BAHCC1: variants seen among roughly 807,000 people sequenced by gnomAD.
The protein encoded by BAHCC1 is BAH domain and coiled-coil containing 1, also known as BAH and coiled-coil domain-containing protein 1.
BAHCC1 carries 43 observed loss-of-function variants against 88.2 expected under a neutral mutation model. The observed-to-expected ratio is 0.49, with a 90% CI of 0.38 to 0.63. The LOEUF (loss-of-function observed/expected upper bound fraction) is 0.63. Ranked by LOEUF, BAHCC1 falls within the 20% of genes least tolerant of loss-of-function variation. BAHCC1 has a pLI of 0.00. For synonymous variants in BAHCC1, 1,510 were observed against 745.5 expected (o/e 2.03, Z -16.71); for missense variants, 3,023 against 1,654.8 (o/e 1.83, Z -14.34).
chr17:81,399,122 C>CGTGTGT lies in BAHCC1; in HGVS notation c.-206-407_-206-406insTGTGTG. 1.9e-5 allele frequency: 3 copies of CGTGTGT among 155,192 alleles called. No homozygotes were observed. Among genetic ancestry groups the CGTGTGT allele is most frequent in the Admixed American group, 1.7e-4 (2 of 12,050 alleles). The allele number at this position is 155,192 out of a possible 1,614,324, so 9.6% of individuals were successfully genotyped here. On this transcript the variant is annotated intron_variant, in intron 1 of 27. Coordinates refer to ENST00000675386, the MANE Select transcript of BAHCC1 (RefSeq NM_001377448.1). This position sits in a 1 kb window ranked among gnomAD's most constrained non-coding sequence, Gnocchi z 4.5. ...GCAGCGGGGGAGGGGAGAGGGTGTG[C>CGTGTGT]GTGTGAGTGTGTGTGTGTGTGTGTG...
chr17:81,442,208 A>C lies in BAHCC1; in HGVS notation c.859A>C (p.Thr287Pro). 3 of 654,514 alleles carry C rather than the reference A, an allele frequency of 4.6e-6. No individual in the cohort carries two copies. The highest frequency in any genetic ancestry group is 8.3e-6 in the Non-Finnish European group (3 of 361,804). The allele number at this position is 654,514 out of a possible 1,614,324, so 40.5% of individuals were successfully genotyped here. A position where few individuals can be genotyped will look rare whatever the true frequency, so the allele number is the denominator to read the frequency against. Residue 287 changes from threonine to proline, a missense_variant, in exon 5 of 28, where the codon ACC becomes CCC. Coordinates refer to ENST00000675386, the MANE Select transcript of BAHCC1 (RefSeq NM_001377448.1). The part of the protein sequence containing the change: ...PKHLTSCLLN[T>P]KVLNGEMGRA... Reference sequence around the variant, plus strand: ...GCACCTCACCTCCTGCCTCCTCAACACCAAGGTGCTCAACGGCGAGATGGG... The same window carrying C: ...GCACCTCACCTCCTGCCTCCTCAACCCCAAGGTGCTCAACGGCGAGATGGG...
At position 81,447,439 on chromosome 17, in the gene BAHCC1, G is replaced by C. The variant is rs540073687; in HGVS notation, c.3567G>C (p.Glu1189Asp). The C allele has an allele frequency of 4.0e-6, 3 of 744,904 alleles. No homozygotes were observed. The East Asian group carries it at 7.6e-5, about 19-fold the overall frequency. The allele number at this position is 744,904 out of a possible 1,614,324, so 46.1% of individuals were successfully genotyped here. A position where few individuals can be genotyped will look rare whatever the true frequency, so the allele number is the denominator to read the frequency against. Residue 1189 changes from glutamate to aspartate, a missense_variant, in exon 11 of 28, where the codon GAG (glutamate) becomes GAC (aspartate). By Grantham distance (45) the Glu-to-Asp change is conservative. Transcript: ENST00000675386. ...GGAREERSRE[E>D]GEQGPSSGAS... ...CACGAGAAGAGAGGAGCAGGGAGGAGGGGGAGCAGGGGCCCTCGTCAGGGG... is the reference window on the plus strand; with the variant it reads ...CACGAGAAGAGAGGAGCAGGGAGGACGGGGAGCAGGGGCCCTCGTCAGGGG...
At chr17:81,406,941 G>A (rs922412920) in intron 2 of BAHCC1, 3 of 456,318 alleles carry the variant, frequency 6.6e-6, no homozygotes, top group Non-Finnish European at 1.3e-5. Context: ...CAGGAAGTGG[G>A]TTTTTTTCAT....
intron 17 of BAHCC1, 78 bp from the exon 18 acceptor site, chr17:81,458,087 G>T (rs1347677145): frequency 2.9e-6 from 2 of 692,916 alleles, no homozygotes; most frequent in East Asian, 2.7e-5. Context: ...AACCAGGAGG[G>T]AGGACCGGCA....
chr17:81,443,046 G>A lies in BAHCC1; in HGVS notation c.1697G>A (p.Arg566His), dbSNP rs782586684. 33 of 778,072 alleles carry A rather than the reference G, an allele frequency of 4.2e-5. No homozygotes were observed. Among genetic ancestry groups the A allele is most frequent in the Non-Finnish European group, 7.4e-5 (31 of 417,656 alleles). The allele number at this position is 778,072 out of a possible 1,614,324, so 48.2% of individuals were successfully genotyped here. Residue 566 changes from arginine (R) to histidine (H), a missense_variant, in exon 5 of 28, where the codon CGC becomes CAC. Arg to His is a conservative substitution (Grantham distance 29). Transcript: ENST00000675386. Reference sequence around the variant, plus strand: ...GGGGGCATTGGGGCTGAGGCCAAGCGCAAGTCCCTGGAGCTGGCATCCCTG... The same window carrying A: ...GGGGGCATTGGGGCTGAGGCCAAGCACAAGTCCCTGGAGCTGGCATCCCTG... The part of the protein sequence containing the change: ...EQGGIGAEAK[R>H]KSLELASLGY...
rs1555651616 is a variant in BAHCC1, at chr17:81,435,610, T to G, written c.359-2760T>G. On this transcript the variant is annotated intron_variant, in intron 3 of 27. Transcript: ENST00000675386. This position sits in a 1 kb window ranked among gnomAD's most constrained non-coding sequence, Gnocchi z 4.4. The stretch of plus-strand genomic sequence containing the variant: ...TAGCAGGAGCTTGCAGTTGAGGACC[T>G]CTGGCTCTGGGTTCATATGGCCCCA... The G allele has an allele frequency of 2.4e-6, 1 of 421,244 alleles. No homozygotes were observed. The highest frequency in any genetic ancestry group is 4.9e-6 in the Non-Finnish European group (1 of 204,166). The allele number at this position is 421,244 out of a possible 1,614,324, so 26.1% of individuals were successfully genotyped here. A position where few individuals can be genotyped will look rare whatever the true frequency, so the allele number is the denominator to read the frequency against.
chr17:81,451,509 G>C (rs1028530330), intron 11 of BAHCC1, among the ~76,000 whole-genome samples, 159 bp from the exon 12 acceptor site: 1 of 152,120 alleles, frequency 6.6e-6, no homozygotes, highest in Non-Finnish European at 1.5e-5. Flanking sequence ...AGGGGTGCTG[G>C]GTGTCAGCCC....
rs980244552 is a variant in BAHCC1, at chr17:81,427,730, C to T, written c.358+751C>T. On this transcript the variant is annotated intron_variant, in intron 3 of 27. Transcript: ENST00000675386. Reference sequence around the variant, plus strand: ...AGCGTGGGAAGGGTTAAGCTCCCCCCGCCCCCCGCGGCTGGCACGCAGAGA... The same window carrying T: ...AGCGTGGGAAGGGTTAAGCTCCCCCTGCCCCCCGCGGCTGGCACGCAGAGA... Among the ~76,000 whole-genome samples, 267 of 152,280 alleles carry T rather than the reference C, an allele frequency of 1.8e-3. 1 individual carries two copies. The highest frequency in any genetic ancestry group is 2.0e-3 in the Non-Finnish European group (134 of 68,020).
intron 2 of BAHCC1, among the ~76,000 whole-genome samples, chr17:81,418,757 G>A (rs910280046): frequency 3.4e-5 from 5 of 148,914 alleles, no homozygotes; most frequent in Non-Finnish European, 7.5e-5. Flanking sequence ...ACAGACGTGT[G>A]TGTGTGTACG....
intron 2 of BAHCC1, among the ~76,000 whole-genome samples, chr17:81,404,023 A>T (rs1394405451): frequency 1.3e-5 from 2 of 152,234 alleles, no homozygotes; most frequent in Non-Finnish European, 1.5e-5. Flanking sequence ...GCGTTGTGCA[A>T]ATAGCACATC....
Position 81,460,606 on chromosome 17 carries a change from G to T in BAHCC1, c.6102G>T (p.Pro2034=). Reference sequence around the variant, plus strand: ...AGAAGGTATCCAGTGAGGCACCCCCGCCTAGTGAAGCCGCCACCCCCAGCC... The same window carrying T: ...AGAAGGTATCCAGTGAGGCACCCCCTCCTAGTGAAGCCGCCACCCCCAGCC... ...RTKKVSSEAP[P]PSEAATPSLS... is the part of the protein sequence containing the mutation. The change falls in exon 25 of 28, where the codon CCG becomes CCT. Residue 2034 remains proline (P), a synonymous_variant. Transcript: ENST00000675386. The T allele has an allele frequency of 1.3e-6, 1 of 769,660 alleles. No homozygotes were observed. Among genetic ancestry groups the T allele is most frequent in the Admixed American group, 1.7e-5 (1 of 57,724 alleles). 47.7% of individuals were successfully genotyped at this position (769,660 alleles called of 1,614,324 possible).
chr17:81,408,154 TC>T, intron 2 of BAHCC1, among the ~76,000 whole-genome samples: 1 of 152,332 alleles, frequency 6.6e-6, no homozygotes, highest in South Asian at 2.1e-4. Flanking sequence ...CCTTGCCCTT[TC>T]CTGAGCTCTT....
chr17:81,413,220 C>T (rs572116683), intron 2 of BAHCC1: 2 of 289,898 alleles, frequency 6.9e-6, no homozygotes, highest in Admixed American at 5.2e-5. Flanking sequence ...CCATGCCCCC[C>T]CCGGGCGCTC....
chr17:81,399,139 G>GTGTA lies in BAHCC1; in HGVS notation c.-206-392_-206-391insATGT, dbSNP rs1555645410. 2.7e-6 allele frequency: 1 copy of GTGTA among 364,486 alleles called. No homozygotes were observed. The highest frequency in any genetic ancestry group is 5.6e-6 in the Non-Finnish European group (1 of 178,376). The allele number at this position is 364,486 out of a possible 1,614,324, so 22.6% of individuals were successfully genotyped here. The stretch of plus-strand genomic sequence containing the variant: ...AGGGTGTGCGTGTGAGTGTGTGTGT[G>GTGTA]TGTGTGTGTGTGTGCGAGTGTGCGT... On this transcript the variant is annotated intron_variant, in intron 1 of 27. Coordinates refer to ENST00000675386, the MANE Select transcript of BAHCC1 (RefSeq NM_001377448.1). This position sits in a 1 kb window ranked among gnomAD's most constrained non-coding sequence, Gnocchi z 4.5.
chr17:81,456,183 G>A (rs765876139), intron 15 of BAHCC1, 114 bp from the exon 16 acceptor site: 10 of 611,564 alleles, frequency 1.6e-5, no homozygotes, highest in Admixed American at 3.1e-5. Flanking sequence ...TCGAGGGCAG[G>A]GGCCTCGAGG....
chr17:81,424,869 G>C (rs2064156729), intron 2 of BAHCC1, among the ~76,000 whole-genome samples: 1 of 151,042 alleles, frequency 6.6e-6, no homozygotes, highest in Non-Finnish European at 1.5e-5. Flanking sequence ...TGGTGGTGAT[G>C]ATGATGGTAG....
rs2064200832 is a variant in BAHCC1 at position 81,426,450 on chromosome 17, A to AGAG, written c.179-350_179-349insGAG. On this transcript the variant is annotated intron_variant, in intron 2 of 27. Coordinates refer to ENST00000675386, the MANE Select transcript of BAHCC1 (RefSeq NM_001377448.1). The stretch of plus-strand genomic sequence containing the variant: ...GTGGTGGGTGATGTGGTTGGGGGTG[A>AGAG]TGTGGGTGATGTGGTTGGGGGTGAT... Among the ~76,000 whole-genome samples the AGAG allele has an allele frequency of 2.6e-4, 3 of 11,536 alleles. 1 individual carries two copies. The highest frequency in any genetic ancestry group is 4.8e-3 in the South Asian group (2 of 418). The allele number at this position is 11,536 out of a possible 152,430, so 7.6% of individuals were successfully genotyped here. A position where few individuals can be genotyped will look rare whatever the true frequency, so the allele number is the denominator to read the frequency against.
chr17:81,400,824 G>C (rs1176932632), intron 2 of BAHCC1: 8 of 154,524 alleles, frequency 5.2e-5, no homozygotes, highest in Non-Finnish European at 1.0e-4. Flanking sequence ...CGGTGGCTTT[G>C]ATATGAGTGT....
chr17:81,417,560 C>CCCCCCG (rs2064050105), intron 2 of BAHCC1, among the ~76,000 whole-genome samples: 11 of 136,680 alleles, frequency 8.0e-5, no homozygotes, highest in African/African-American at 1.7e-4. Context: ...CGGCCACCCC[C>CCCCCCG]CCCCCGCCCT....
Sources: gnomAD v4.1 joint callset for allele counts (sites outside exome capture counted in the v4.1 genomes callset) on GRCh38, gnomAD v4.1.1 for gene constraint, Gnocchi (gnomAD v3.1) non-coding constraint, MANE v1.5 for transcripts, NCBI Gene and HGNC (gene_info 2026-07-23, HGNC 2026-07-21) for gene names.